ZMYM4: variants seen among roughly 807,000 people sequenced by gnomAD.
ZMYM4 encodes zinc finger MYM-type protein 4.
Under a neutral mutation model 183.2 loss-of-function variants are expected in ZMYM4, and 31 were observed. The observed-to-expected ratio is 0.17, with a 90% CI of 0.13 to 0.23. The LOEUF (loss-of-function observed/expected upper bound fraction) is 0.23, where lower values mean the gene tolerates loss of function less well. ZMYM4 is among the 10% of genes least tolerant of loss of function. The probability of loss-of-function intolerance (pLI) is 1.00; values close to 1 mark genes in which losing one functional copy is unlikely to be tolerated. For synonymous variants in ZMYM4, 592 were observed against 631.2 expected (o/e 0.94, Z 0.93); for missense variants, 1,273 against 1,840.3 (o/e 0.69, Z 5.64).
intron 2 of ZMYM4, among the ~76,000 whole-genome samples, chr1:35,352,269 G>GCGCGCACACACA (rs1366886543): frequency 1.4e-4 from 17 of 124,582 alleles, no homozygotes; most frequent in African/African-American, 5.6e-4. Flanking sequence ...ACGCGCGCGC[G>GCGCGCACACACA]CACACACACA....
At chr1:35,350,264 T>G (rs1643553709) in intron 2 of ZMYM4, among the ~76,000 whole-genome samples, 2 of 151,234 alleles carry the variant, frequency 1.3e-5, no homozygotes, top group South Asian at 4.2e-4. Context: ...AGGGAATTGT[T>G]AGAGAACCAT....
chr1:35,311,459 T>A (rs1438523901), intron 1 of ZMYM4, among the ~76,000 whole-genome samples: 1 of 151,324 alleles, frequency 6.6e-6, no homozygotes, highest in Non-Finnish European at 1.5e-5. Context: ...TGAACTACTG[T>A]AGTATATAAT....
intron 1 of ZMYM4, among the ~76,000 whole-genome samples, chr1:35,289,919 A>G (rs528065661): frequency 4.3e-4 from 65 of 152,256 alleles, no homozygotes; most frequent in Middle Eastern, 6.8e-3. Flanking sequence ...AATTATGACA[A>G]TATATCATAG....
At chr1:35,285,315 G>T (rs532529287) in intron 1 of ZMYM4, among the ~76,000 whole-genome samples, 1 of 152,214 alleles carries the variant, frequency 6.6e-6, no homozygotes, top group East Asian at 1.9e-4. Context: ...AACATGGAAT[G>T]TCTTTCCATT....
rs75013095 is a variant in ZMYM4 at position 35,274,616 on chromosome 1, TAAA to T, written c.39+5547_39+5549del. 6.1e-4 allele frequency among the ~76,000 whole-genome samples: 82 copies of T among 134,618 alleles called. No individual in the cohort carries two copies. The East Asian group carries it at 0.011, about 17-fold the overall frequency. 88.3% of individuals were successfully genotyped at this position (134,618 alleles called of 152,430 possible). A position where few individuals can be genotyped will look rare whatever the true frequency, so the allele number is the denominator to read the frequency against. ...GCAAGAGAGACACTGTTTTTTTTTTTAAAAAAAAAAAAAAAAAAGGAGAGGCCA... is the reference window on the plus strand; with the variant it reads ...GCAAGAGAGACACTGTTTTTTTTTTTAAAAAAAAAAAAAAAGGAGAGGCCA... On this transcript the variant is annotated intron_variant, in intron 1 of 29. Coordinates refer to ENST00000314607, the MANE Select transcript of ZMYM4 (RefSeq NM_005095.3).
intron 1 of ZMYM4, among the ~76,000 whole-genome samples, chr1:35,291,319 T>G (rs992015583): frequency 4.6e-5 from 7 of 152,144 alleles, no homozygotes; most frequent in African/African-American, 1.4e-4. Context: ...TGCCGGGTCT[T>G]GCTTTGTTGC....
Position 35,290,610 on chromosome 1 carries a change from G to T in ZMYM4, c.39+21525G>T, listed in dbSNP as rs191405854. Among the ~76,000 whole-genome samples the T allele has an allele frequency of 6.9e-3, 1,037 of 151,004 alleles. 5 individuals are homozygous for T. Among genetic ancestry groups the T allele is most frequent in the Non-Finnish European group, 0.011 (742 of 67,730 alleles). ...ATGCCTGGCTCATTTTTCATTTTTT[G>T]TAGAGATTGGGGTCTTGCTATGTTG... is the stretch of plus-strand genomic sequence containing the variant. On this transcript the variant is annotated intron_variant, in intron 1 of 29. Coordinates refer to ENST00000314607, the MANE Select transcript of ZMYM4 (RefSeq NM_005095.3).
At chr1:35,352,386 G>GCACA (rs374281470) in intron 2 of ZMYM4, among the ~76,000 whole-genome samples, 7,152 of 128,350 alleles carry the variant, frequency 0.056, 372 homozygotes, top group African/African-American at 0.12. Context: ...AAAAATTAGC[G>GCACA]CACACACACA....
intron 9 of ZMYM4, among the ~76,000 whole-genome samples, chr1:35,382,297 G>A (rs1265142280): frequency 6.6e-6 from 1 of 150,578 alleles, no homozygotes; most frequent in Non-Finnish European, 1.5e-5. Flanking sequence ...TATAGAGAGA[G>A]TTTACTATTT....
At chr1:35,349,596 G>A (rs1169836277) in intron 2 of ZMYM4, among the ~76,000 whole-genome samples, 1 of 152,066 alleles carries the variant, frequency 6.6e-6, no homozygotes. Flanking sequence ...GGGAGGCTGA[G>A]GCAGGTGGGT....
chr1:35,377,064 G>A (rs1294061417), intron 7 of ZMYM4, among the ~76,000 whole-genome samples: 3 of 151,948 alleles, frequency 2.0e-5, no homozygotes, highest in African/African-American at 7.3e-5. Context: ...ATGCCACCAT[G>A]CCCGGCTAAT....
chr1:35,293,265 G>A (rs576920840), intron 1 of ZMYM4, among the ~76,000 whole-genome samples: 4 of 151,810 alleles, frequency 2.6e-5, no homozygotes, highest in South Asian at 2.1e-4. Context: ...TCAGCCTCCC[G>A]AAGTGCTAGG....
chr1:35,389,127 A>C lies in ZMYM4; in HGVS notation c.2436+45A>C. ...CTGGGTTTTTCATTCTAGGGCATAA[A>C]TTATTCCCTTTTAAAATTTCATGTC... On this transcript the variant is annotated intron_variant, in intron 14 of 29. Transcript: ENST00000314607. This position sits in a 1 kb window ranked among gnomAD's most constrained non-coding sequence, Gnocchi z 4.0. The C allele has an allele frequency of 6.5e-7, 1 of 1,535,294 alleles. No individual in the cohort carries two copies. Among genetic ancestry groups the C allele is most frequent in the South Asian group, 1.2e-5 (1 of 80,364 alleles).
chr1:35,274,245 A>C (rs192602199), intron 1 of ZMYM4, among the ~76,000 whole-genome samples: 2 of 152,218 alleles, frequency 1.3e-5, no homozygotes, highest in African/African-American at 4.8e-5. Flanking sequence ...GGCCATTCAA[A>C]TACAGTGATT....
At chr1:35,360,410 C>T (rs1423546165) in intron 3 of ZMYM4, among the ~76,000 whole-genome samples, 1 of 152,020 alleles carries the variant, frequency 6.6e-6, no homozygotes, top group Non-Finnish European at 1.5e-5. Flanking sequence ...TATTCTATAC[C>T]AGTCCTTGTA....
At chr1:35,344,410 G>GT (rs1326600766) in intron 2 of ZMYM4, among the ~76,000 whole-genome samples, 3 of 151,614 alleles carry the variant, frequency 2.0e-5, no homozygotes, top group African/African-American at 4.8e-5. Flanking sequence ...ATTTTTAACT[G>GT]TTTTTTTCAA....
intron 25 of ZMYM4, among the ~76,000 whole-genome samples, chr1:35,407,233 A>C (rs1179924931): frequency 6.6e-6 from 1 of 152,128 alleles, no homozygotes; most frequent in African/African-American, 2.4e-5. Flanking sequence ...TGGGAGTTTG[A>C]GACCAGCCTG....
intron 15 of ZMYM4, among the ~76,000 whole-genome samples, chr1:35,391,614 A>C (rs912422540): frequency 6.6e-6 from 1 of 152,218 alleles, no homozygotes; most frequent in African/African-American, 2.4e-5. Flanking sequence ...ATTAAATCTA[A>C]CCTGTGATCT....
chr1:35,328,976 C>T (rs1642622647), intron 2 of ZMYM4, among the ~76,000 whole-genome samples: 1 of 152,116 alleles, frequency 6.6e-6, no homozygotes, highest in Admixed American at 6.5e-5. Context: ...CTACCATCTA[C>T]TCATTGCCCA....
Sources: allele counts gnomAD v4.1 joint callset (sites outside exome capture counted in the v4.1 genomes callset), GRCh38; gene constraint gnomAD v4.1.1; non-coding constraint Gnocchi (gnomAD v3.1); transcripts MANE v1.5; gene names NCBI Gene and HGNC (gene_info 2026-07-23, HGNC 2026-07-21).